The following NUPR2 variants were observed in gnomAD, a reference collection of about 807,000 sequenced individuals.
NUPR2 encodes nuclear protein 2, transcriptional regulator, also known as nuclear protein 2.
A neutral mutation model predicts 7.3 loss-of-function variants in NUPR2; 14 were observed. The ratio of observed to expected loss-of-function variants is 1.93; its 90% CI spans 1.27 to 3.01. The LOEUF (loss-of-function observed/expected upper bound fraction) is 3.01. NUPR2 is among the 30% of genes most tolerant of loss of function. The pLI, the probability that NUPR2 is intolerant of heterozygous loss-of-function variation, is 0.00. For missense variants in NUPR2, 162 were observed against 143.7 expected (o/e 1.13, Z -0.65); for synonymous variants, 56 against 59.7 (o/e 0.94, Z 0.29).
chr7:56,116,297 CTCTGCGGGCGCT>C lies in NUPR2; in HGVS notation c.6_17del (p.Ala3_Glu6del). ...GAGCCTGCAGACGTGGAAGCGCCCG[CTCTGCGGGCGCT>C]TCCATCCTGCCCAGGCCTGTGGCCA... On this transcript the variant is annotated inframe_deletion, in exon 1 of 2. Coordinates refer to ENST00000329309, the MANE Select transcript of NUPR2 (RefSeq NM_001145712.2). The C allele has an allele frequency of 1.4e-6, 2 of 1,460,268 alleles. No individual in the cohort carries two copies. The highest frequency in any genetic ancestry group is 5.6e-5 in the East Asian group (2 of 35,834). 90.5% of individuals were successfully genotyped at this position (1,460,268 alleles called of 1,614,324 possible). A position where few individuals can be genotyped will look rare whatever the true frequency, so the allele number is the denominator to read the frequency against.
At chr7:56,115,435 G>GTATATATATATATATATT (rs1306832660) in intron 1 of NUPR2, among the ~76,000 whole-genome samples, 3 of 32,256 alleles carry the variant, frequency 9.3e-5, no homozygotes, top group African/African-American at 4.6e-4. Context: ...ATATTTGTGT[G>GTATATATATATATATATT]TGTGTGTGTG....
At chr7:56,115,429 T>TATG (rs1554376538) in intron 1 of NUPR2, among the ~76,000 whole-genome samples, 3 of 30,988 alleles carry the variant, frequency 9.7e-5, no homozygotes, top group Admixed American at 4.9e-4. Flanking sequence ...ATATATATAT[T>TATG]TGTGTGTGTG....
chr7:56,115,435 G>GTATATATATA (rs1306832660), intron 1 of NUPR2, among the ~76,000 whole-genome samples: 738 of 32,242 alleles, frequency 0.023, 157 homozygotes, highest in African/African-American at 0.099. Context: ...ATATTTGTGT[G>GTATATATATA]TGTGTGTGTG....
chr7:56,115,644 TATA>T (rs1245233440), intron 1 of NUPR2, among the ~76,000 whole-genome samples: 2 of 137,838 alleles, frequency 1.5e-5, no homozygotes, highest in Non-Finnish European at 3.1e-5. Flanking sequence ...TATATATATA[TATA>T]TTTTAGTAGA....
chr7:56,116,182 C>T lies in NUPR2; in HGVS notation c.133G>A (p.Ala45Thr). 1 of 1,548,794 alleles carries T rather than the reference C, an allele frequency of 6.5e-7. No individual in the cohort carries two copies. Among genetic ancestry groups the T allele is most frequent in the Non-Finnish European group, 8.7e-7 (1 of 1,145,938 alleles). The change falls in exon 1 of 2, where the codon GCA becomes ACA. Residue 45 changes from alanine (A) to threonine (T), a missense_variant. Ala to Thr is a moderately conservative substitution (Grantham distance 58). Transcript: ENST00000329309. ...YYLRDFPACGAGRSKGRTRRE... is the reference protein window; with the variant it reads ...YYLRDFPACGTGRSKGRTRRE... ...CGAGTCCGGCCCTTGCTGCGCCCTGCCCCGCAGGCCGGGAAGTCGCGCAGG... is the reference window on the plus strand; with the variant it reads ...CGAGTCCGGCCCTTGCTGCGCCCTGTCCCGCAGGCCGGGAAGTCGCGCAGG...
chr7:56,115,420 TATATATA>T (rs1198199153), intron 1 of NUPR2, among the ~76,000 whole-genome samples: 1 of 52,202 alleles, frequency 1.9e-5, no homozygotes, highest in Non-Finnish European at 3.3e-5. Flanking sequence ...TATATATATA[TATATATA>T]TTTGTGTGTG....
In NUPR2 at chr7:56,116,361, C is replaced by A. The variant is rs1785555221; in HGVS notation, c.-47G>T. On this transcript the variant is annotated 5_prime_UTR_variant, in exon 1 of 2. Transcript: ENST00000329309. ...CGGCGGCCACCTGCCCGCGTCTGGG[C>A]GCTCCTGGAAGACCCAGCAGCCCCG... 1 of 1,207,504 alleles carries A rather than the reference C, an allele frequency of 8.3e-7. No homozygotes were observed. The highest frequency in any genetic ancestry group is 1.1e-6 in the Non-Finnish European group (1 of 928,648). 74.8% of individuals were successfully genotyped at this position (1,207,504 alleles called of 1,614,324 possible). A position where few individuals can be genotyped will look rare whatever the true frequency, so the allele number is the denominator to read the frequency against.
intron 1 of NUPR2, among the ~76,000 whole-genome samples, chr7:56,115,429 T>TATATACGTATA (rs1554376538): frequency 3.2e-4 from 10 of 30,982 alleles, no homozygotes; most frequent in Admixed American, 4.9e-4. Context: ...ATATATATAT[T>TATATACGTATA]TGTGTGTGTG....
chr7:56,115,428 T>TATA (rs58684972), intron 1 of NUPR2, among the ~76,000 whole-genome samples: 13 of 45,926 alleles, frequency 2.8e-4, no homozygotes, highest in Non-Finnish European at 4.7e-4. Context: ...TATATATATA[T>TATA]TTGTGTGTGT....
At chr7:56,115,406 T>TAG (rs1785523170) in intron 1 of NUPR2, among the ~76,000 whole-genome samples, 1 of 36,366 alleles carries the variant, frequency 2.7e-5, no homozygotes, top group Non-Finnish European at 4.6e-5. Context: ...TATATATATA[T>TAG]ATATATATAT....
In NUPR2 at chr7:56,116,310, T is replaced by G. The variant is rs1785553278; in HGVS notation, c.5A>C (p.Glu2Ala). 1 of 1,421,756 alleles carries G rather than the reference T, an allele frequency of 7.0e-7. No individual in the cohort carries two copies. The highest frequency in any genetic ancestry group is 1.4e-5 in the South Asian group (1 of 69,626). The allele number at this position is 1,421,756 out of a possible 1,614,324, so 88.1% of individuals were successfully genotyped here. A position where few individuals can be genotyped will look rare whatever the true frequency, so the allele number is the denominator to read the frequency against. Residue 2 changes from glutamate to alanine, a missense_variant, in exon 1 of 2, where the codon GAA becomes GCA. By Grantham distance (107) the Glu-to-Ala change is moderately radical (BLOSUM62 -1). Transcript: ENST00000329309. ...TGGAAGCGCCCGCTCTGCGGGCGCT[T>G]CCATCCTGCCCAGGCCTGTGGCCAC... M[E>A]APAERALPRL...
intron 1 of NUPR2, among the ~76,000 whole-genome samples, chr7:56,115,433 G>GTATATATCTATATA (rs1562891882): frequency 8.5e-5 from 1 of 11,746 alleles, no homozygotes; most frequent in Non-Finnish European, 1.3e-4. Flanking sequence ...ATATATTTGT[G>GTATATATCTATATA]TGTGTGTGTG....
At chr7:56,115,826 C>T (rs941729181) in intron 1 of NUPR2, among the ~76,000 whole-genome samples, 189 bp downstream of exon 1, 1 of 151,908 alleles carries the variant, frequency 6.6e-6, no homozygotes, top group Admixed American at 6.6e-5. Context: ...CCCTTCTACC[C>T]ACCTATGAAG....
In NUPR2 at chr7:56,116,346, C is replaced by G; in HGVS notation, c.-32G>C. On this transcript the variant is annotated 5_prime_UTR_variant, in exon 1 of 2. Coordinates refer to ENST00000329309, the MANE Select transcript of NUPR2 (RefSeq NM_001145712.2). ...CAGGCCTGTGGCCACCGGCGGCCAC[C>G]TGCCCGCGTCTGGGCGCTCCTGGAA... 7.8e-7 allele frequency: 1 copy of G among 1,288,884 alleles called. No homozygotes were observed. Among genetic ancestry groups the G allele is most frequent in the South Asian group, 2.0e-5 (1 of 51,104 alleles). 79.8% of individuals were successfully genotyped at this position (1,288,884 alleles called of 1,614,324 possible). A position where few individuals can be genotyped will look rare whatever the true frequency, so the allele number is the denominator to read the frequency against.
At position 56,116,288 on chromosome 7, in the gene NUPR2, A is replaced by C; in HGVS notation, c.27T>G (p.Leu9=). MEAPAERA[L]PRLQALARPP... Reference sequence around the variant, plus strand: ...GCCGAGCCAGAGCCTGCAGACGTGGAAGCGCCCGCTCTGCGGGCGCTTCCA... The same window carrying C: ...GCCGAGCCAGAGCCTGCAGACGTGGCAGCGCCCGCTCTGCGGGCGCTTCCA... The change falls in exon 1 of 2, where the codon CTT becomes CTG. Residue 9 remains leucine, a synonymous_variant. Transcript: ENST00000329309. 7.0e-7 allele frequency: 1 copy of C among 1,420,150 alleles called. No homozygotes were observed. Among genetic ancestry groups the C allele is most frequent in the Non-Finnish European group, 9.3e-7 (1 of 1,078,880 alleles). 88.0% of individuals were successfully genotyped at this position (1,420,150 alleles called of 1,614,324 possible). A position where few individuals can be genotyped will look rare whatever the true frequency, so the allele number is the denominator to read the frequency against.
At chr7:56,115,423 A>ACATATGTATATATATATATATATATACG (rs1785526971) in intron 1 of NUPR2, among the ~76,000 whole-genome samples, 1 of 37,772 alleles carries the variant, frequency 2.6e-5, no homozygotes, top group African/African-American at 1.4e-4. Flanking sequence ...ATATATATAT[A>ACATATGTATATATATATATATATATACG]TATATTTGTG....
At chr7:56,115,428 TTTGTGTG>T (rs1562891860) in intron 1 of NUPR2, among the ~76,000 whole-genome samples, 170 of 45,832 alleles carry the variant, frequency 3.7e-3, no homozygotes, top group Middle Eastern at 7.5e-3. Context: ...TATATATATA[TTTGTGTG>T]TGTGTGTGTG....
chr7:56,114,954 G>C (rs1444073318), intron 1 of NUPR2, 57 bp from the exon 2 acceptor site: 1 of 152,006 alleles, frequency 6.6e-6, no homozygotes, highest in African/African-American at 2.4e-5. Context: ...TTCTTTTTTT[G>C]ACACAGGGTC....
chr7:56,115,417 A>ATG (rs1476049819), intron 1 of NUPR2, among the ~76,000 whole-genome samples: 387 of 21,358 alleles, frequency 0.018, 62 homozygotes, highest in Non-Finnish European at 0.021. Context: ...ATATATATAT[A>ATG]TATATATATA....
Sources: gnomAD v4.1 joint callset for allele counts (sites outside exome capture counted in the v4.1 genomes callset) on GRCh38, gnomAD v4.1.1 for gene constraint, MANE v1.5 for transcripts, NCBI Gene and HGNC (gene_info 2026-07-23, HGNC 2026-07-21) for gene names.